Variants in ATRNL1 observed in about 807,000 individuals in gnomAD.
The protein encoded by ATRNL1 is attractin-like protein 1.
ATRNL1 carries 95 observed loss-of-function variants against 182.7 expected under a neutral mutation model. The ratio of observed to expected loss-of-function variants is 0.52; its 90% CI spans 0.44 to 0.62. ATRNL1 has a LOEUF of 0.62. Among genes scored for constraint, ATRNL1 ranks in the 20% least tolerant of loss-of-function variants. The probability of loss-of-function intolerance (pLI) is 0.00; values close to 1 mark genes in which losing one functional copy is unlikely to be tolerated. For missense variants in ATRNL1, 1,471 were observed against 1,679.5 expected (o/e 0.88, Z 2.17); for synonymous variants, 576 against 568.3 (o/e 1.01, Z -0.19).
chr10:115,241,925 T>C (rs950663831), intron 10 of ATRNL1, among the ~76,000 whole-genome samples, 200 bp downstream of exon 10: 1 of 152,026 alleles, frequency 6.6e-6, no homozygotes, highest in Non-Finnish European at 1.5e-5. Context: ...GCAGAAGTAG[T>C]GGTAGATACA....
Position 115,133,496 on chromosome 10 carries a change from G to A in ATRNL1, c.829+3961G>A, listed in dbSNP as rs1244008846. Among the ~76,000 whole-genome samples the A allele has an allele frequency of 2.6e-5, 4 of 152,052 alleles. No individual in the cohort carries two copies. In the East Asian group the frequency reaches 5.8e-4, roughly 22 times the overall value. ...AGGGATCAATTGAACAAGAAGAGCT[G>A]ACTATCCTAAATATATATGCACCCA... On this transcript the variant is annotated intron_variant, in intron 5 of 28. Coordinates refer to ENST00000355044, the MANE Select transcript of ATRNL1 (RefSeq NM_207303.4).
chr10:115,331,383 A>G (rs1855215580), intron 18 of ATRNL1, among the ~76,000 whole-genome samples: 1 of 151,868 alleles, frequency 6.6e-6, no homozygotes, highest in Admixed American at 6.6e-5. Context: ...CCTTTCATTT[A>G]TTATTCTTTT....
chr10:115,856,916 C>A (rs1589611342), intron 28 of ATRNL1, among the ~76,000 whole-genome samples: 1 of 152,198 alleles, frequency 6.6e-6, no homozygotes, highest in Non-Finnish European at 1.5e-5. Flanking sequence ...GACCCTTGAA[C>A]AACATGGGTT....
At chr10:115,578,785 T>C in intron 26 of ATRNL1, among the ~76,000 whole-genome samples, 1 of 151,694 alleles carries the variant, frequency 6.6e-6, no homozygotes, top group Non-Finnish European at 1.5e-5. Context: ...ATTCAGTTTG[T>C]TCTTTTTCTA....
chr10:115,484,501 G>A (rs1000283157), intron 24 of ATRNL1, among the ~76,000 whole-genome samples: 1 of 151,468 alleles, frequency 6.6e-6, no homozygotes, highest in Non-Finnish European at 1.5e-5. Flanking sequence ...ATTATATACA[G>A]TATACTTTTT....
chr10:115,482,469 A>C (rs1005068730), intron 24 of ATRNL1, among the ~76,000 whole-genome samples: 11 of 151,146 alleles, frequency 7.3e-5, no homozygotes, highest in African/African-American at 2.2e-4. Context: ...GAGAATAAAA[A>C]TGCTTCTTTT....
At chr10:115,099,153 G>C (rs1414295044) in intron 1 of ATRNL1, among the ~76,000 whole-genome samples, 1 of 152,096 alleles carries the variant, frequency 6.6e-6, no homozygotes, top group Non-Finnish European at 1.5e-5. Context: ...AGATTTGTTG[G>C]TATTTTCTAG....
At chr10:115,716,697 T>G (rs1476931474) in intron 26 of ATRNL1, among the ~76,000 whole-genome samples, 1 of 152,130 alleles carries the variant, frequency 6.6e-6, no homozygotes, top group Non-Finnish European at 1.5e-5. Flanking sequence ...TCATAAATTA[T>G]TGGCACACAA....
intron 28 of ATRNL1, among the ~76,000 whole-genome samples, chr10:115,863,207 A>G (rs1171088413): frequency 7.2e-5 from 11 of 152,328 alleles, no homozygotes; most frequent in African/African-American, 2.4e-4. Flanking sequence ...CCAATCAGTT[A>G]GGATGTGGGA....
chr10:115,615,508 C>A (rs1179561219), intron 26 of ATRNL1, among the ~76,000 whole-genome samples: 1 of 151,970 alleles, frequency 6.6e-6, no homozygotes, highest in Non-Finnish European at 1.5e-5. Context: ...ATAGAGATTC[C>A]TTTAGATACA....
At chr10:115,714,224 C>T (rs1352682809) in intron 26 of ATRNL1, among the ~76,000 whole-genome samples, 1 of 152,010 alleles carries the variant, frequency 6.6e-6, no homozygotes, top group African/African-American at 2.4e-5. Context: ...GTTGTAGGAC[C>T]TTTTCCTTAG....
chr10:115,359,277 G>A (rs1231114593), intron 19 of ATRNL1, among the ~76,000 whole-genome samples: 1 of 151,456 alleles, frequency 6.6e-6, no homozygotes, highest in Non-Finnish European at 1.5e-5. Flanking sequence ...TCACTATTAG[G>A]TAGTACTGTA....
At chr10:115,468,772 A>G (rs1848175441) in intron 23 of ATRNL1, among the ~76,000 whole-genome samples, 1 of 150,826 alleles carries the variant, frequency 6.6e-6, no homozygotes, top group African/African-American at 2.4e-5. Flanking sequence ...TGTAAACAGA[A>G]TGAGCTCAGT....
chr10:115,590,630 CCA>C (rs1855844261), intron 26 of ATRNL1, among the ~76,000 whole-genome samples: 1 of 151,944 alleles, frequency 6.6e-6, no homozygotes, highest in Non-Finnish European at 1.5e-5. Flanking sequence ...TAGTCACTTC[CCA>C]CCTGCCTCCT....
intron 25 of ATRNL1, among the ~76,000 whole-genome samples, chr10:115,520,825 G>A (rs535415461): frequency 3.9e-5 from 6 of 152,180 alleles, no homozygotes; most frequent in Non-Finnish European, 8.8e-5. Flanking sequence ...CTCTTGATAA[G>A]AGAAACCTTT....
rs1554999765 is a variant in ATRNL1, at chr10:115,561,704, G to GGGGGGTGTGT, written c.3795+12169_3795+12170insGGGGTGTGTG. ...GTGTGTGTGTGGGTGTGTGTGTGTGGGTGTGTGTGTGTGTGTGTGTTTGTG... is the reference window on the plus strand; with the variant it reads ...GTGTGTGTGTGGGTGTGTGTGTGTGGGGGGGTGTGTGTGTGTGTGTGTGTGTGTGTTTGTG... On this transcript the variant is annotated intron_variant, in intron 26 of 28. Transcript: ENST00000355044. 7.7e-4 allele frequency among the ~76,000 whole-genome samples: 112 copies of GGGGGGTGTGT among 145,032 alleles called. 1 individual carries two copies. Among genetic ancestry groups the GGGGGGTGTGT allele is most frequent in the East Asian group, 3.0e-3 (15 of 4,962 alleles).
intron 28 of ATRNL1, among the ~76,000 whole-genome samples, chr10:115,868,819 A>ATTTTTTTTTTTTT (rs1555105343): frequency 1.8e-4 from 18 of 98,268 alleles, no homozygotes; most frequent in East Asian, 8.7e-4. Flanking sequence ...GCAAGTCTTT[A>ATTTTTTTTTTTTT]TTCTTTTTTT....
At chr10:115,271,888 GT>G (rs573102923) in intron 13 of ATRNL1, among the ~76,000 whole-genome samples, 296 of 152,270 alleles carry the variant, frequency 1.9e-3, no homozygotes, top group African/African-American at 6.7e-3. Flanking sequence ...GGTCTTGGAG[GT>G]GGGGCTTGGT....
chr10:115,900,262 G>T (rs1952317582), intron 28 of ATRNL1, among the ~76,000 whole-genome samples: 1 of 151,986 alleles, frequency 6.6e-6, no homozygotes, highest in South Asian at 2.1e-4. Flanking sequence ...AATGCCTCTT[G>T]GCTTAAAATT....
Sources: allele counts gnomAD v4.1 joint callset (sites outside exome capture counted in the v4.1 genomes callset), GRCh38; gene constraint gnomAD v4.1.1; transcripts MANE v1.5; gene names NCBI Gene and HGNC (gene_info 2026-07-23, HGNC 2026-07-21).